The following SPAG16 variants were observed in gnomAD, a reference collection of about 807,000 sequenced individuals.
SPAG16 encodes the protein sperm-associated antigen 16 protein.
In SPAG16, 86 loss-of-function variants were observed where a neutral mutation model predicts 80.4. That is an observed-to-expected ratio of 1.07 (90% confidence interval 0.90 to 1.28). SPAG16 has a LOEUF of 1.28. Among genes scored for constraint, SPAG16 ranks in the 50% most tolerant of loss-of-function variants. The pLI, the probability that SPAG16 is intolerant of heterozygous loss-of-function variation, is 0.00. For missense variants in SPAG16, 870 were observed against 765.3 expected (o/e 1.14, Z -1.61); for synonymous variants, 294 against 265.9 (o/e 1.11, Z -1.03).
intron 10 of SPAG16, among the ~76,000 whole-genome samples, chr2:213,631,426 T>C (rs2062147747): frequency 1.3e-5 from 2 of 152,202 alleles, no homozygotes; most frequent in African/African-American, 4.8e-5. Flanking sequence ...TCTTATCACA[T>C]TATGAAGTGA....
At chr2:214,346,745 T>G (rs1014912268) in intron 15 of SPAG16, among the ~76,000 whole-genome samples, 1 of 152,200 alleles carries the variant, frequency 6.6e-6, no homozygotes, top group Non-Finnish European at 1.5e-5. Context: ...GTGTAAGCAC[T>G]TCTGCTAAAT....
chr2:213,530,409 AC>A (rs2076028834), intron 10 of SPAG16, among the ~76,000 whole-genome samples: 1 of 152,182 alleles, frequency 6.6e-6, no homozygotes, highest in Non-Finnish European at 1.5e-5. Context: ...CATAGTATAT[AC>A]TGTTCATCAT....
intron 13 of SPAG16, among the ~76,000 whole-genome samples, chr2:214,098,036 C>G (rs1025159294): frequency 6.6e-6 from 1 of 152,078 alleles, no homozygotes; most frequent in African/African-American, 2.4e-5. Context: ...GCTCCAGACA[C>G]TGTGCTTTTA....
At chr2:214,350,012 T>C (rs1390243002) in intron 15 of SPAG16, among the ~76,000 whole-genome samples, 2 of 152,218 alleles carry the variant, frequency 1.3e-5, no homozygotes, top group Non-Finnish European at 2.9e-5. Flanking sequence ...GCTTATTCAT[T>C]TCTTAGCAAA....
At chr2:214,168,724 T>G (rs1337995820) in intron 15 of SPAG16, among the ~76,000 whole-genome samples, 1 of 152,084 alleles carries the variant, frequency 6.6e-6, no homozygotes, top group Non-Finnish European at 1.5e-5. Flanking sequence ...AAAAAAATGT[T>G]GCAGAGGTCC....
chr2:213,741,499 C>G (rs528474018), intron 10 of SPAG16, among the ~76,000 whole-genome samples: 1 of 151,830 alleles, frequency 6.6e-6, no homozygotes, highest in African/African-American at 2.4e-5. Context: ...AAAAGTAAAC[C>G]GCTGAGTAAA....
chr2:213,311,844 A>G lies in SPAG16; in HGVS notation c.398+1667A>G, dbSNP rs75066567. Among the ~76,000 whole-genome samples the G allele has an allele frequency of 4.3e-3, 658 of 151,656 alleles. 4 individuals carry two copies. The highest frequency in any genetic ancestry group is 0.015 in the African/African-American group (605 of 41,512). ...AAACACTTAGAATATATCATTTGCT[A>G]TGAATTCACTTAATCTTTCAAAACA... On this transcript the variant is annotated intron_variant, in intron 4 of 15. Coordinates refer to ENST00000331683, the MANE Select transcript of SPAG16 (RefSeq NM_024532.5).
At chr2:213,783,318 A>T (rs1183527822) in intron 10 of SPAG16, among the ~76,000 whole-genome samples, 104 of 706 alleles carry the variant, frequency 0.15, no homozygotes, top group Admixed American at 0.2. Context: ...AGAGTATAAT[A>T]AAAAAAAAAA....
intron 10 of SPAG16, among the ~76,000 whole-genome samples, chr2:213,679,081 C>T (rs1321541906): frequency 1.3e-5 from 2 of 152,160 alleles, no homozygotes; most frequent in East Asian, 3.8e-4. Flanking sequence ...AGGACACCTT[C>T]TCTGCATGCA....
At chr2:213,961,617 T>C (rs1230478277) in intron 12 of SPAG16, among the ~76,000 whole-genome samples, 1 of 149,790 alleles carries the variant, frequency 6.7e-6, no homozygotes, top group East Asian at 1.9e-4. Context: ...TTTTGATAAA[T>C]GTTTTTTCAG....
At chr2:213,999,336 AG>A (rs2046679572) in intron 12 of SPAG16, among the ~76,000 whole-genome samples, 2 of 152,210 alleles carry the variant, frequency 1.3e-5, no homozygotes, top group African/African-American at 4.8e-5. Flanking sequence ...GTGGCTTCAG[AG>A]GGTGCAAGCC....
intron 10 of SPAG16, among the ~76,000 whole-genome samples, chr2:213,616,055 A>G (rs1000048903): frequency 6.6e-6 from 1 of 152,190 alleles, no homozygotes; most frequent in African/African-American, 2.4e-5. Context: ...AACTTAAAGT[A>G]TGATAATAAT....
intron 10 of SPAG16, among the ~76,000 whole-genome samples, chr2:213,556,311 C>A (rs201443249): frequency 0.019 from 1,423 of 76,810 alleles, 21 homozygotes; most frequent in African/African-American, 0.046. Context: ...AAAAAAAAAA[C>A]CAAAAAAAAA....
At chr2:213,407,941 AGAGAGAGACAG>A (rs1166395124) in intron 9 of SPAG16, among the ~76,000 whole-genome samples, 2 of 130,770 alleles carry the variant, frequency 1.5e-5, no homozygotes, top group Middle Eastern at 3.8e-3. Context: ...GGAGAGAGGC[AGAGAGAGACAG>A]GAGAGAGGCA....
chr2:214,065,174 CTT>C (rs2050474119), intron 13 of SPAG16, among the ~76,000 whole-genome samples: 2 of 151,976 alleles, frequency 1.3e-5, no homozygotes, highest in African/African-American at 2.4e-5. Context: ...AGAATCAACA[CTT>C]ATATATTATT....
intron 15 of SPAG16, among the ~76,000 whole-genome samples, chr2:214,392,547 C>G (rs1168393077): frequency 6.6e-6 from 1 of 152,088 alleles, no homozygotes; most frequent in Non-Finnish European, 1.5e-5. Context: ...GAGGTAGAGT[C>G]TTTAAGAAAT....
At chr2:214,274,052 G>A (rs985052801) in intron 15 of SPAG16, among the ~76,000 whole-genome samples, 1 of 152,050 alleles carries the variant, frequency 6.6e-6, no homozygotes, top group Non-Finnish European at 1.5e-5. Context: ...TATTCTCTTT[G>A]TAGCAATTGT....
At chr2:213,986,292 A>G (rs565402454) in intron 12 of SPAG16, among the ~76,000 whole-genome samples, 26 of 152,208 alleles carry the variant, frequency 1.7e-4, no homozygotes, top group Middle Eastern at 3.4e-3. Flanking sequence ...ACCCATGAGT[A>G]TGTAAGATTG....
chr2:213,831,101 C>T lies in SPAG16; in HGVS notation c.1071-31384C>T, dbSNP rs553196149. Among the ~76,000 whole-genome samples, 197 of 145,588 alleles carry T rather than the reference C, an allele frequency of 1.4e-3. 1 individual carries two copies. Among genetic ancestry groups the T allele is most frequent in the African/African-American group, 4.9e-3 (195 of 39,428 alleles). ...GTCCCCCAGGTTGGAGTGCAGTGGC[C>T]CAATCTCAGCTCACTGCAACCTTAG... On this transcript the variant is annotated intron_variant, in intron 10 of 15. Transcript: ENST00000331683.
Sources: allele counts gnomAD v4.1 joint callset (sites outside exome capture counted in the v4.1 genomes callset), GRCh38; gene constraint gnomAD v4.1.1; transcripts MANE v1.5; gene names NCBI Gene and HGNC (gene_info 2026-07-23, HGNC 2026-07-21).